CPXM2: variants seen among roughly 807,000 people sequenced by gnomAD.
CPXM2 encodes carboxypeptidase X, M14 family member 2.
In CPXM2, 66 loss-of-function variants were observed where a neutral mutation model predicts 86.1. The observed-to-expected ratio is 0.77, with a 90% CI of 0.63 to 0.94. The LOEUF (loss-of-function observed/expected upper bound fraction) is 0.94. CPXM2 is among the 40% of genes least tolerant of loss of function. The probability of loss-of-function intolerance (pLI) is 0.00; values close to 1 mark genes in which losing one functional copy is unlikely to be tolerated. For synonymous variants in CPXM2, 388 were observed against 400.2 expected, an observed-to-expected ratio of 0.97 and a Z score of 0.36; for missense variants, 948 against 1,026.3, an observed-to-expected ratio of 0.92 and a Z score of 1.04.
At chr10:123,786,585 C>T (rs1249041564) in intron 6 of CPXM2, among the ~76,000 whole-genome samples, 2 of 152,164 alleles carry the variant, frequency 1.3e-5, no homozygotes, top group South Asian at 2.1e-4. Flanking sequence ...GAATGGAACA[C>T]CTCTTGGCCA....
chr10:123,878,429 G>T (rs968879090), intron 2 of CPXM2, among the ~76,000 whole-genome samples: 1 of 148,088 alleles, frequency 6.8e-6, no homozygotes, highest in African/African-American at 2.5e-5. Context: ...TAGCTTTGAA[G>T]CCAAAGCCAT....
At position 123,803,941 on chromosome 10, in the gene CPXM2, A is replaced by C. The variant is rs1176781571; in HGVS notation, c.654-4742T>G. Among the ~76,000 whole-genome samples the C allele has an allele frequency of 5.3e-5, 8 of 152,234 alleles. No individual in the cohort carries two copies. In the East Asian group the frequency reaches 1.5e-3, roughly 29 times the overall value. On this transcript the variant is annotated intron_variant, in intron 4 of 13. Transcript: ENST00000241305. ...TCCCAAAGTGCTGGGATTTACAGGC[A>C]TGAATCACTGCACCCAGCCCAAGAT...
chr10:123,847,324 A>C (rs1016744861), intron 3 of CPXM2, among the ~76,000 whole-genome samples: 9 of 152,344 alleles, frequency 5.9e-5, no homozygotes, highest in Admixed American at 4.6e-4. Context: ...CAGGAGTTCT[A>C]GACTAGCCTG....
chr10:123,839,678 T>C (rs984309716), intron 4 of CPXM2, among the ~76,000 whole-genome samples: 1 of 152,200 alleles, frequency 6.6e-6, no homozygotes, highest in Non-Finnish European at 1.5e-5. Context: ...AGATGACTAC[T>C]GCCTTCTTTA....
chr10:123,761,874 C>G lies in CPXM2; in HGVS notation c.1775G>C (p.Gly592Ala), dbSNP rs142483883. Residue 592 changes from glycine (G) to alanine (A), a missense_variant and splice_region_variant, in exon 11 of 14, where the codon GGA becomes GCA. By Grantham distance (60) the Gly-to-Ala change is moderately conservative. Transcript: ENST00000241305. Reference protein sequence around the residue: ...VNGASWHTVAGSLNDFSYLHT... With the variant: ...VNGASWHTVAASLNDFSYLHT... ...CTCTCCCCCAGAGGGAGGCTTACTT[C>G]CAGCGACGGTGTGCCAGGAGGCCCC... The G allele has an allele frequency of 3.2e-3, 5,117 of 1,612,656 alleles. 18 individuals are homozygous for G. Among genetic ancestry groups the G allele is most frequent in the Non-Finnish European group, 3.1e-3 (3,691 of 1,179,554 alleles).
At chr10:123,901,474 T>TG (rs1564818122) in intron 2 of CPXM2, among the ~76,000 whole-genome samples, 6 of 149,470 alleles carry the variant, frequency 4.0e-5, no homozygotes, top group Middle Eastern at 3.2e-3. Flanking sequence ...TGTGTGTGTG[T>TG]TTTCCCCTAT....
At chr10:123,867,824 C>T (rs1037660915) in intron 2 of CPXM2, among the ~76,000 whole-genome samples, 2 of 152,192 alleles carry the variant, frequency 1.3e-5, no homozygotes, top group Admixed American at 6.5e-5. Flanking sequence ...TGAGCCACTG[C>T]GCCCGGCCCA....
intron 4 of CPXM2, among the ~76,000 whole-genome samples, chr10:123,829,209 T>C (rs73364794): frequency 0.012 from 1,758 of 152,148 alleles, 35 homozygotes; most frequent in African/African-American, 0.038. Context: ...AAATAAAAAA[T>C]AGTGATAAGA....
chr10:123,793,565 G>T (rs1408858679), intron 6 of CPXM2, among the ~76,000 whole-genome samples: 2 of 151,952 alleles, frequency 1.3e-5, no homozygotes, highest in Non-Finnish European at 1.5e-5. Flanking sequence ...CCTGAAAGGG[G>T]TGTGAACTCA....
intron 7 of CPXM2, among the ~76,000 whole-genome samples, chr10:123,774,547 CA>C (rs1009356725): frequency 2.4e-4 from 36 of 152,154 alleles, no homozygotes; most frequent in African/African-American, 8.2e-4. Flanking sequence ...GTTTAATGAG[CA>C]TCAAGGAGCG....
intron 2 of CPXM2, 73 bp from the exon 3 acceptor site, chr10:123,862,796 G>A: frequency 7.5e-7 from 1 of 1,340,192 alleles, no homozygotes; most frequent in Non-Finnish European, 1.1e-6. Flanking sequence ...TTCTAAATCT[G>A]GCCGCGTGCT....
At chr10:123,785,745 G>A (rs912715442) in intron 6 of CPXM2, among the ~76,000 whole-genome samples, 1 of 150,468 alleles carries the variant, frequency 6.6e-6, no homozygotes, top group East Asian at 2.0e-4. Flanking sequence ...CCATTCTCCT[G>A]TCTCAGCCTC....
chr10:123,790,198 T>C (rs532194508), intron 6 of CPXM2, among the ~76,000 whole-genome samples: 5 of 151,636 alleles, frequency 3.3e-5, no homozygotes, highest in Admixed American at 1.3e-4. Flanking sequence ...ACAGAACAGG[T>C]GACTCAGGAT....
chr10:123,869,475 G>A (rs2134210063), intron 2 of CPXM2, among the ~76,000 whole-genome samples: 1 of 152,306 alleles, frequency 6.6e-6, no homozygotes, highest in East Asian at 1.9e-4. Flanking sequence ...AAACACTTCA[G>A]GAAAATATTA....
At chr10:123,867,008 C>G (rs1944803477) in intron 2 of CPXM2, among the ~76,000 whole-genome samples, 2 of 152,264 alleles carry the variant, frequency 1.3e-5, no homozygotes, top group Non-Finnish European at 2.9e-5. Flanking sequence ...TACTGCAACC[C>G]AGCCTAACAC....
intron 2 of CPXM2, among the ~76,000 whole-genome samples, chr10:123,863,865 T>C (rs1421820504): frequency 7.2e-5 from 11 of 152,200 alleles, no homozygotes; most frequent in Non-Finnish European, 1.6e-4. Flanking sequence ...CTCAGGACAA[T>C]GGGCCCCTGC....
chr10:123,926,157 T>C (rs1021401583), intron 2 of CPXM2, among the ~76,000 whole-genome samples: 1 of 152,216 alleles, frequency 6.6e-6, no homozygotes, highest in South Asian at 2.1e-4. Flanking sequence ...AACATGCCAT[T>C]GGCCAAAGTA....
chr10:123,873,255 GAGT>G (rs998144099), intron 2 of CPXM2, among the ~76,000 whole-genome samples: 15 of 146,844 alleles, frequency 1.0e-4, no homozygotes, highest in African/African-American at 3.8e-4. Flanking sequence ...TACCAATAAA[GAGT>G]AGAAAATTGA....
chr10:123,757,566 G>A (rs974182715), intron 11 of CPXM2, among the ~76,000 whole-genome samples: 5 of 152,236 alleles, frequency 3.3e-5, no homozygotes, highest in African/African-American at 7.2e-5. Context: ...GGAATGGTTT[G>A]TGGTGAGGAC....
Sources: gnomAD v4.1 joint callset for allele counts (sites outside exome capture counted in the v4.1 genomes callset) on GRCh38, gnomAD v4.1.1 for gene constraint, MANE v1.5 for transcripts, NCBI Gene and HGNC (gene_info 2026-07-23, HGNC 2026-07-21) for gene names.